CTCFL: variants seen among roughly 807,000 people sequenced by gnomAD.
CTCFL encodes the protein transcriptional repressor CTCFL.
In CTCFL, 36 loss-of-function variants were observed where a neutral mutation model predicts 67.4. That is an observed-to-expected ratio of 0.53 (90% CI 0.41 to 0.71). CTCFL has a LOEUF of 0.71. Ranked by LOEUF, CTCFL falls within the 30% of genes least tolerant of loss-of-function variation. CTCFL has a pLI of 0.00. For missense variants in CTCFL, 786 were observed against 835.2 expected (o/e 0.94, Z 0.73); for synonymous variants, 324 against 302.3 (o/e 1.07, Z -0.75).
rs1450729341 is a variant in CTCFL, at chr20:57,497,296, C to T, written c.*1254G>A. The T allele has an allele frequency of 4.1e-6, 4 of 984,516 alleles. No homozygotes were observed. Among genetic ancestry groups the T allele is most frequent in the Non-Finnish European group, 4.8e-6 (4 of 829,120 alleles). 61.0% of individuals were successfully genotyped at this position (984,516 alleles called of 1,614,324 possible). ...ACTACAGCCCACAGAATTTAAATCTCATGTGAGTTGAGTTAAATTAATTTG... is the reference window on the plus strand; with the variant it reads ...ACTACAGCCCACAGAATTTAAATCTTATGTGAGTTGAGTTAAATTAATTTG... On this transcript the variant is annotated 3_prime_UTR_variant, in exon 11 of 11. Coordinates refer to ENST00000243914, the MANE Select transcript of CTCFL (RefSeq NM_001386993.1).
chr20:57,505,306 A>G (rs1393385624), intron 9 of CTCFL, among the ~76,000 whole-genome samples: 1 of 151,614 alleles, frequency 6.6e-6, no homozygotes, highest in Non-Finnish European at 1.5e-5. Flanking sequence ...TCTAGGCTGG[A>G]GTGCAGTGGC....
At position 57,504,744 on chromosome 20, in the gene CTCFL, C is replaced by T. The variant is rs1172567975; in HGVS notation, c.1675-1143G>A. ...TTGTTCTTAATTTCCTCCTGAGAGG[C>T]CTAGAGGAGGTCATGCCTCGTGAAC... is the stretch of plus-strand genomic sequence containing the variant. On this transcript the variant is annotated intron_variant, in intron 9 of 10. Transcript: ENST00000243914. Among the ~76,000 whole-genome samples the T allele has an allele frequency of 3.3e-5, 5 of 151,896 alleles. 2 individuals are homozygous for T. Among genetic ancestry groups the T allele is most frequent in the Admixed American group, 1.3e-4 (2 of 15,244 alleles).
At chr20:57,499,868 T>G (rs1600632055) in intron 10 of CTCFL, 8 of 681,986 alleles carry the variant, frequency 1.2e-5, no homozygotes, top group Non-Finnish European at 1.4e-5. Context: ...GGAGCGGCTG[T>G]CAATACAAAG....
In CTCFL at chr20:57,512,702, G is replaced by T; in HGVS notation, c.1381C>A (p.Arg461Ser). 1 of 1,614,206 alleles carries T rather than the reference G, an allele frequency of 6.2e-7. No individual in the cohort carries two copies. Among genetic ancestry groups the T allele is most frequent in the Non-Finnish European group, 8.5e-7 (1 of 1,180,030 alleles). Residue 461 changes from arginine (R) to serine (S), a missense_variant, in exon 8 of 11, where the codon CGC becomes AGC. This residue lies in a region of CTCFL where 254 missense variants were observed against 333.9 expected (regional missense o/e 0.76). Transcript: ENST00000243914. ...TCATGGAAGACAGCAGAACAGTAGC[G>T]GCATTTCAGCTCTGCAGCGCTGTAA... The part of the protein sequence containing the change: ...HAYSAAELKC[R>S]YCSAVFHERY...
intron 10 of CTCFL, chr20:57,500,333 TA>T: frequency 4.6e-6 from 2 of 438,154 alleles, no homozygotes; most frequent in Non-Finnish European, 7.5e-6. Flanking sequence ...CGGGCATCTG[TA>T]ATCCCAGCTC....
chr20:57,513,907 C>A, intron 7 of CTCFL: 1 of 1,288,392 alleles, frequency 7.8e-7, no homozygotes, highest in Non-Finnish European at 1.0e-6. Context: ...ACTCACGCTT[C>A]CCACACCCTC....
In CTCFL at chr20:57,514,452, T is replaced by C. The variant is rs1568868866; in HGVS notation, c.1330+140A>G. On this transcript the variant is annotated intron_variant, in intron 7 of 10. Coordinates refer to ENST00000243914, the MANE Select transcript of CTCFL (RefSeq NM_001386993.1). ...CCACCAGATGGTGCGACAGGACTTC[T>C]GGAAGAAAATTCGTCCCAGGGCCAA... 4.2e-6 allele frequency: 4 copies of C among 958,824 alleles called. No homozygotes were observed. In the African/African-American group the frequency reaches 4.9e-5, roughly 12 times the overall value. 59.4% of individuals were successfully genotyped at this position (958,824 alleles called of 1,614,324 possible).
chr20:57,509,625 T>C (rs376829662), intron 8 of CTCFL, among the ~76,000 whole-genome samples: 31 of 152,198 alleles, frequency 2.0e-4, no homozygotes, highest in African/African-American at 7.0e-4. Flanking sequence ...AAAATATGTA[T>C]GAAGTCAAGC....
intron 8 of CTCFL, among the ~76,000 whole-genome samples, chr20:57,511,061 T>C (rs2068519126): frequency 6.6e-6 from 1 of 152,088 alleles, no homozygotes; most frequent in Non-Finnish European, 1.5e-5. Context: ...TAATTTCTTT[T>C]TTTAGGGTCT....
intron 9 of CTCFL, chr20:57,507,358 T>G: frequency 2.2e-5 from 12 of 546,888 alleles, no homozygotes; most frequent in East Asian, 3.2e-5. Context: ...CGCCTAGCTA[T>G]TTTCTTTTTT....
intron 10 of CTCFL, chr20:57,499,526 TG>T (rs1413843617): frequency 6.5e-6 from 1 of 153,778 alleles, no homozygotes; most frequent in African/African-American, 2.4e-5. Flanking sequence ...CTGGTTGGGG[TG>T]CGGGGGTTGG....
At chr20:57,522,021 T>G (rs758012936) in intron 3 of CTCFL, among the ~76,000 whole-genome samples, 4 of 152,204 alleles carry the variant, frequency 2.6e-5, no homozygotes, top group African/African-American at 4.8e-5. Context: ...TCTACAAATT[T>G]GAATATATCA....
intron 3 of CTCFL, among the ~76,000 whole-genome samples, chr20:57,521,616 C>T (rs1239499006): frequency 6.6e-6 from 1 of 152,210 alleles, no homozygotes; most frequent in Non-Finnish European, 1.5e-5. Context: ...AAAACTTGTA[C>T]ACAGATGGTC....
intron 4 of CTCFL, 52 bp downstream of exon 4, chr20:57,519,155 A>G (rs2069150312): frequency 3.2e-6 from 5 of 1,558,394 alleles, no homozygotes; most frequent in Admixed American, 1.8e-5. Context: ...CATTCTTAAC[A>G]TAAGCCTTAA....
rs868144719 is a variant in CTCFL, at chr20:57,524,112, T to C, written c.94A>G (p.Lys32Glu). 1.9e-6 allele frequency: 3 copies of C among 1,613,612 alleles called. No individual in the cohort carries two copies. The highest frequency in any genetic ancestry group is 1.7e-6 in the Non-Finnish European group (2 of 1,179,994). ...MPEKGLKEEE[K>E]DGVCREKDHR... Reference sequence around the variant, plus strand: ...TCTTTCTCTCTGCACACTCCGTCTTTTTCCTCCTCCTTCAGGCCTTTTTCC... The same window carrying C: ...TCTTTCTCTCTGCACACTCCGTCTTCTTCCTCCTCCTTCAGGCCTTTTTCC... The change falls in exon 2 of 11, where the codon AAA becomes GAA. Residue 32 changes from lysine (K) to glutamate (E), a missense_variant. By Grantham distance (56) the Lys-to-Glu change is moderately conservative. This residue lies in a region of CTCFL where 333 missense variants were observed against 304.6 expected (regional missense o/e 1.09). Coordinates refer to ENST00000243914, the MANE Select transcript of CTCFL (RefSeq NM_001386993.1).
At chr20:57,511,084 C>T (rs752084629) in intron 8 of CTCFL, among the ~76,000 whole-genome samples, 6 of 152,066 alleles carry the variant, frequency 3.9e-5, no homozygotes, top group African/African-American at 7.3e-5. Flanking sequence ...CTCAGTTGTC[C>T]GTGCTGGAGT....
At chr20:57,512,150 A>G (rs1251095243) in intron 8 of CTCFL, among the ~76,000 whole-genome samples, 2 of 152,152 alleles carry the variant, frequency 1.3e-5, no homozygotes, top group African/African-American at 4.8e-5. Context: ...AAAGTTAACA[A>G]CTTTAACTGC....
chr20:57,502,233 G>T (rs577757261), intron 10 of CTCFL, among the ~76,000 whole-genome samples: 33 of 152,304 alleles, frequency 2.2e-4, no homozygotes, highest in African/African-American at 7.9e-4. Context: ...AAAGAGTGGG[G>T]GAGTGCTGCC....
At chr20:57,509,674 A>G (rs1307481172) in intron 8 of CTCFL, among the ~76,000 whole-genome samples, 1 of 152,252 alleles carries the variant, frequency 6.6e-6, no homozygotes, top group African/African-American at 2.4e-5. Context: ...TGTGATGATT[A>G]TTTGGATTAA....
Sources: gnomAD v4.1 joint callset for allele counts (sites outside exome capture counted in the v4.1 genomes callset) on GRCh38, gnomAD v4.1.1 for gene constraint, gnomAD v4.1.1 regional missense constraint, MANE v1.5 for transcripts, NCBI Gene and HGNC (gene_info 2026-07-23, HGNC 2026-07-21) for gene names.